The following PLXNC1 variants were observed in gnomAD, a reference collection of about 807,000 sequenced individuals.
PLXNC1 encodes plexin C1, also known as plexin-C1.
PLXNC1 carries 75 observed loss-of-function variants against 178.2 expected under a neutral mutation model. That is an observed-to-expected ratio of 0.42 (90% CI 0.35 to 0.51). The LOEUF (loss-of-function observed/expected upper bound fraction) is 0.51. Ranked by LOEUF, PLXNC1 falls within the 20% of genes least tolerant of loss-of-function variation. The probability of loss-of-function intolerance (pLI) is 0.02; values close to 1 mark genes in which losing one functional copy is unlikely to be tolerated. For synonymous variants in PLXNC1, 790 were observed against 779.9 expected, an observed-to-expected ratio of 1.01 and a Z score of -0.22; for missense variants, 1,503 against 1,984.4, an observed-to-expected ratio of 0.76 and a Z score of 4.61.
chr12:94,272,553 C>T (rs981127817), intron 21 of PLXNC1, among the ~76,000 whole-genome samples: 2 of 152,210 alleles, frequency 1.3e-5, no homozygotes, highest in Non-Finnish European at 2.9e-5. Flanking sequence ...CCTGGCCCTG[C>T]CATCCTAGTC....
Position 94,306,688 on chromosome 12 carries a change from C to G in PLXNC1, c.*1403C>G, listed in dbSNP as rs957181974. On this transcript the variant is annotated 3_prime_UTR_variant, in exon 31 of 31. Coordinates refer to ENST00000258526, the MANE Select transcript of PLXNC1 (RefSeq NM_005761.3). ...TCACATATTCCTTGAAATCATTTAC[C>G]AACACTGTATGGAGCATTAGGATTT... 4 of 152,102 alleles carry G rather than the reference C, an allele frequency of 2.6e-5. No individual in the cohort carries two copies. The highest frequency in any genetic ancestry group is 7.2e-5 in the African/African-American group (3 of 41,418). The allele number at this position is 152,102 out of a possible 1,614,324, so 9.4% of individuals were successfully genotyped here.
At chr12:94,195,987 G>T (rs1232193873) in intron 4 of PLXNC1, among the ~76,000 whole-genome samples, 3 of 151,976 alleles carry the variant, frequency 2.0e-5, no homozygotes, top group Non-Finnish European at 4.4e-5. Context: ...TGTCTTGAGG[G>T]TTCTTCTCCA....
chr12:94,293,653 C>G (rs180740446), intron 23 of PLXNC1, among the ~76,000 whole-genome samples: 6 of 152,314 alleles, frequency 3.9e-5, no homozygotes, highest in Non-Finnish European at 7.4e-5. Flanking sequence ...AGGTCTCACT[C>G]TGTCGCCCAG....
chr12:94,204,673 A>G (rs1393073571), intron 4 of PLXNC1, among the ~76,000 whole-genome samples: 1 of 152,140 alleles, frequency 6.6e-6, no homozygotes, highest in East Asian at 1.9e-4. Context: ...TGGACTGGCA[A>G]TTGTAAAGAA....
intron 4 of PLXNC1, among the ~76,000 whole-genome samples, chr12:94,206,133 T>C (rs1485806020): frequency 6.6e-6 from 1 of 152,212 alleles, no homozygotes; most frequent in Non-Finnish European, 1.5e-5. Flanking sequence ...TTACACATAT[T>C]TCTATGAACC....
intron 6 of PLXNC1, among the ~76,000 whole-genome samples, chr12:94,221,503 A>G (rs1194788630): frequency 6.6e-6 from 1 of 152,192 alleles, no homozygotes; most frequent in Non-Finnish European, 1.5e-5. Context: ...GAGAAAGACT[A>G]GAAGTAGAGT....
intron 1 of PLXNC1, chr12:94,168,385 G>A (rs543078256): frequency 3.9e-5 from 6 of 152,340 alleles, no homozygotes; most frequent in Admixed American, 1.3e-4. Flanking sequence ...CATTTTGGTC[G>A]ACACTCTCTC....
Position 94,254,943 on chromosome 12 carries a change from A to G in PLXNC1, c.2983+55A>G, listed in dbSNP as rs1964799526. On this transcript the variant is annotated intron_variant, in intron 16 of 30. Coordinates refer to ENST00000258526, the MANE Select transcript of PLXNC1 (RefSeq NM_005761.3). ...ACAAGCCTTTTATATTTATACTTTTATTTTTTTACCCTTACATAGAGATGG... is the reference window on the plus strand; with the variant it reads ...ACAAGCCTTTTATATTTATACTTTTGTTTTTTTACCCTTACATAGAGATGG... 2.5e-5 allele frequency: 35 copies of G among 1,376,208 alleles called. 1 individual carries two copies. The South Asian group carries it at 4.3e-4, about 17-fold the overall frequency. 85.2% of individuals were successfully genotyped at this position (1,376,208 alleles called of 1,614,324 possible). A position where few individuals can be genotyped will look rare whatever the true frequency, so the allele number is the denominator to read the frequency against.
intron 21 of PLXNC1, among the ~76,000 whole-genome samples, chr12:94,275,657 T>C (rs1965880239): frequency 1.1e-5 from 1 of 90,524 alleles, no homozygotes; most frequent in Non-Finnish European, 2.3e-5. Flanking sequence ...ATCGAGACCA[T>C]CCCGGCTAAA....
intron 4 of PLXNC1, among the ~76,000 whole-genome samples, chr12:94,194,272 A>C (rs1338971998): frequency 6.6e-6 from 1 of 152,190 alleles, no homozygotes; most frequent in Non-Finnish European, 1.5e-5. Context: ...ACCTTTCACC[A>C]GGCCCCACCT....
intron 23 of PLXNC1, chr12:94,282,900 CT>C (rs948713708): frequency 6.5e-6 from 1 of 154,684 alleles, no homozygotes; most frequent in African/African-American, 2.4e-5. Flanking sequence ...AACCCACATA[CT>C]GGGTGAGTGC....
intron 4 of PLXNC1, among the ~76,000 whole-genome samples, chr12:94,209,089 A>G (rs1055461431): frequency 6.6e-6 from 1 of 152,218 alleles, no homozygotes; most frequent in Non-Finnish European, 1.5e-5. Flanking sequence ...AAATTTTTCT[A>G]TTTAATTATC....
chr12:94,268,698 G>A (rs56874598), intron 21 of PLXNC1, among the ~76,000 whole-genome samples: 17,576 of 147,842 alleles, frequency 0.12, 1,235 homozygotes, highest in African/African-American at 0.19. Flanking sequence ...GGGTTCAAGC[G>A]ATTCTCCTGC....
chr12:94,205,436 A>G (rs546879694), intron 4 of PLXNC1, among the ~76,000 whole-genome samples: 2 of 152,340 alleles, frequency 1.3e-5, no homozygotes, highest in Non-Finnish European at 2.9e-5. Flanking sequence ...TTGCAAATAT[A>G]TAGTAGTAAA....
chr12:94,246,168 G>T (rs1964524023), intron 12 of PLXNC1, among the ~76,000 whole-genome samples: 1 of 152,216 alleles, frequency 6.6e-6, no homozygotes, highest in Non-Finnish European at 1.5e-5. Flanking sequence ...ACTCTTTGTT[G>T]GGGAACCTCC....
chr12:94,264,536 G>A (rs1192624034), intron 20 of PLXNC1, among the ~76,000 whole-genome samples: 2 of 152,204 alleles, frequency 1.3e-5, no homozygotes, highest in East Asian at 1.9e-4. Context: ...ATGGAGAGGA[G>A]ATAAGGCTGC....
intron 21 of PLXNC1, among the ~76,000 whole-genome samples, chr12:94,274,398 C>G (rs935029381): frequency 1.3e-5 from 2 of 152,078 alleles, no homozygotes; most frequent in African/African-American, 4.8e-5. Flanking sequence ...CATGACCAGT[C>G]CCTGGTGAAA....
At chr12:94,277,543 A>C (rs1243465375) in intron 21 of PLXNC1, among the ~76,000 whole-genome samples, 3 of 152,138 alleles carry the variant, frequency 2.0e-5, no homozygotes, top group African/African-American at 7.2e-5. Flanking sequence ...AGCGACATAC[A>C]CAGAGGTTAC....
chr12:94,202,230 G>C (rs1350732634), intron 4 of PLXNC1, among the ~76,000 whole-genome samples: 1 of 152,152 alleles, frequency 6.6e-6, no homozygotes, highest in Non-Finnish European at 1.5e-5. Context: ...CTGTTTATTT[G>C]GTTTTTGTCT....
Sources: gnomAD v4.1 joint callset for allele counts (sites outside exome capture counted in the v4.1 genomes callset) on GRCh38, gnomAD v4.1.1 for gene constraint, MANE v1.5 for transcripts, NCBI Gene and HGNC (gene_info 2026-07-23, HGNC 2026-07-21) for gene names.